The following TTC12 variants were observed in gnomAD, a reference collection of about 807,000 sequenced individuals.
TTC12 encodes tetratricopeptide repeat domain 12, also known as tetratricopeptide repeat protein 12.
A neutral mutation model predicts 90.1 loss-of-function variants in TTC12; 70 were observed. The observed-to-expected ratio is 0.78, with a 90% CI of 0.64 to 0.95. The LOEUF is 0.95. Among genes scored for constraint, TTC12 ranks in the 40% least tolerant of loss-of-function variants. TTC12 has a pLI of 0.00. For missense variants in TTC12, 819 were observed against 846.1 expected (o/e 0.97, Z 0.40); for synonymous variants, 296 against 311.5 (o/e 0.95, Z 0.53).
At chr11:113,344,015 T>C (rs562363363) in intron 12 of TTC12, among the ~76,000 whole-genome samples, 6 of 152,334 alleles carry the variant, frequency 3.9e-5, no homozygotes, top group African/African-American at 1.4e-4. Context: ...TTAATCCTCA[T>C]GATGTCCCTG....
intron 20 of TTC12, chr11:113,364,233 G>C (rs1319122846): frequency 6.6e-6 from 2 of 304,402 alleles, no homozygotes; most frequent in African/African-American, 4.3e-5. Flanking sequence ...AGAAGGAGAG[G>C]GGGAAACACC....
At chr11:113,321,636 A>G (rs1555138513) in intron 2 of TTC12, among the ~76,000 whole-genome samples, 1 of 152,234 alleles carries the variant, frequency 6.6e-6, no homozygotes, top group Admixed American at 6.5e-5. Context: ...CTTTCTTCCC[A>G]TCAAGAGTGG....
At chr11:113,320,910 G>T (rs758072497) in intron 2 of TTC12, among the ~76,000 whole-genome samples, 4 of 152,172 alleles carry the variant, frequency 2.6e-5, no homozygotes, top group South Asian at 2.1e-4. Context: ...AGGCATGGTG[G>T]TGTGTGCCTG....
intron 16 of TTC12, among the ~76,000 whole-genome samples, chr11:113,358,070 T>C (rs138918354): frequency 6.6e-6 from 1 of 152,184 alleles, no homozygotes; most frequent in East Asian, 1.9e-4. Context: ...GTGCCTTCTC[T>C]GTGCCTCACA....
chr11:113,343,363 A>T (rs559851733), intron 12 of TTC12, among the ~76,000 whole-genome samples: 1 of 152,358 alleles, frequency 6.6e-6, no homozygotes, highest in East Asian at 1.9e-4. Context: ...TCCATTTCAG[A>T]AATCAGTAGA....
chr11:113,350,155 C>G lies in TTC12; in HGVS notation c.1237C>G (p.Leu413Val). Residue 413 changes from leucine to valine, a missense_variant, in exon 14 of 22, where the codon CTG becomes GTG. Coordinates refer to ENST00000529221, the MANE Select transcript of TTC12 (RefSeq NM_017868.4). ...TAMGLFTDLALEERFQVWFQA... is the reference protein window; with the variant it reads ...TAMGLFTDLAVEERFQVWFQA... ...TATGGGACTGTTCACAGACTTGGCT[C>G]TGGAAGAAAGGTAATTTTTTTATTT... is the stretch of plus-strand genomic sequence containing the variant. 1.2e-6 allele frequency: 2 copies of G among 1,610,818 alleles called. No homozygotes were observed.
At chr11:113,323,908 GATT>G in intron 3 of TTC12, 83 bp from the exon 4 acceptor site, 1 of 1,044,534 alleles carries the variant, frequency 9.6e-7, no homozygotes, top group South Asian at 1.4e-5. Flanking sequence ...GTTTGTAATT[GATT>G]TGCCTTCTTG....
intron 12 of TTC12, among the ~76,000 whole-genome samples, chr11:113,342,441 T>G (rs1555146485): frequency 6.6e-6 from 1 of 152,246 alleles, no homozygotes; most frequent in Non-Finnish European, 1.5e-5. Flanking sequence ...TTGTATAATC[T>G]TTCTTAATCA....
chr11:113,337,965 C>A (rs955561361), intron 8 of TTC12, among the ~76,000 whole-genome samples: 2 of 152,104 alleles, frequency 1.3e-5, no homozygotes, highest in Admixed American at 1.3e-4. Context: ...TCTGTTCCTG[C>A]GACACTGTTC....
chr11:113,350,323 G>GC (rs1555149695), intron 14 of TTC12, among the ~76,000 whole-genome samples, 158 bp downstream of exon 14: 1 of 152,186 alleles, frequency 6.6e-6, no homozygotes, highest in East Asian at 1.9e-4. Context: ...CCAGGGGGCT[G>GC]CAGCCACCCA....
chr11:113,341,924 C>T lies in TTC12; in HGVS notation c.984C>T (p.Asn328=), dbSNP rs199500231. Residue 328 remains asparagine, a splice_region_variant and synonymous_variant, in exon 12 of 22, where the codon AAC becomes AAT. Coordinates refer to ENST00000529221, the MANE Select transcript of TTC12 (RefSeq NM_017868.4). ...TCTGGCAAGCAGTGTGCAGCAGGAA[C>T]GGTAAGCCTGGGTAATCACCGTTGA... The part of the protein sequence containing the change: ...LKLWQAVCSR[N]EENQRVLVIH... 4.5e-5 allele frequency: 73 copies of T among 1,613,448 alleles called. No individual in the cohort carries two copies. The East Asian group carries it at 1.0e-3, about 23-fold the overall frequency.
At chr11:113,368,261 G>A (rs1950277423), downstream of TTC12, 2 of 1,526,708 alleles carry the variant, frequency 1.3e-6, no homozygotes, top group Non-Finnish European at 1.8e-6. Context: ...CCTCGCAGGT[G>A]GGAAGAGATG....
At chr11:113,332,261 C>T (rs1433759867) in intron 7 of TTC12, among the ~76,000 whole-genome samples, 3 of 152,156 alleles carry the variant, frequency 2.0e-5, no homozygotes, top group Admixed American at 6.6e-5. Context: ...AGAAAATTCT[C>T]GTGAGGGTCG....
downstream of TTC12, among the ~76,000 whole-genome samples, chr11:113,367,214 A>G (rs575166989): frequency 6.6e-6 from 1 of 152,290 alleles, no homozygotes; most frequent in South Asian, 2.1e-4. Context: ...CAGGGTCTTC[A>G]TGGTACAGTG....
chr11:113,322,337 C>T (rs945485063), intron 2 of TTC12, among the ~76,000 whole-genome samples: 4 of 152,100 alleles, frequency 2.6e-5, no homozygotes. Context: ...ATTGGTGATG[C>T]AGCGTTCCTG....
intron 2 of TTC12, among the ~76,000 whole-genome samples, chr11:113,318,225 A>G (rs1462213610): frequency 6.6e-6 from 1 of 151,904 alleles, no homozygotes; most frequent in Non-Finnish European, 1.5e-5. Flanking sequence ...CAAGTATGCA[A>G]TATGAGACAC....
At chr11:113,320,146 A>G (rs907793550) in intron 2 of TTC12, among the ~76,000 whole-genome samples, 1 of 152,180 alleles carries the variant, frequency 6.6e-6, no homozygotes, top group African/African-American at 2.4e-5. Flanking sequence ...AATATATACA[A>G]CTGATACGGG....
Position 113,320,347 on chromosome 11 carries a change from G to A in TTC12, c.59-2941G>A, listed in dbSNP as rs546100684. Among the ~76,000 whole-genome samples, 5 of 152,142 alleles carry A rather than the reference G, an allele frequency of 3.3e-5. No individual in the cohort carries two copies. The South Asian group carries it at 6.2e-4, about 19-fold the overall frequency. ...TGAACCCCAGGCTCCAGAAGCAGAC[G>A]AGCAGGTGAGATGAGGACACAAGCA... On this transcript the variant is annotated intron_variant, in intron 2 of 21. Coordinates refer to ENST00000529221, the MANE Select transcript of TTC12 (RefSeq NM_017868.4).
At chr11:113,361,662 G>C (rs1260991217) in intron 18 of TTC12, among the ~76,000 whole-genome samples, 1 of 152,080 alleles carries the variant, frequency 6.6e-6, no homozygotes, top group Non-Finnish European at 1.5e-5. Flanking sequence ...TAGTATACGG[G>C]GGTGCCACCT....
Sources: allele counts gnomAD v4.1 joint callset (sites outside exome capture counted in the v4.1 genomes callset), GRCh38; gene constraint gnomAD v4.1.1; transcripts MANE v1.5; gene names NCBI Gene and HGNC (gene_info 2026-07-23, HGNC 2026-07-21).